The following CD226 variants were observed in gnomAD, a reference collection of about 807,000 sequenced individuals.
CD226 encodes the protein CD226 antigen.
In CD226, 24 loss-of-function variants were observed where a neutral mutation model predicts 34.9. That is an observed-to-expected ratio of 0.69 (90% CI 0.50 to 0.97). CD226 has a LOEUF of 0.97. CD226 is among the 50% of genes least tolerant of loss of function. The pLI, the probability that CD226 is intolerant of heterozygous loss-of-function variation, is 0.00. For missense variants in CD226, 397 were observed against 412.7 expected (o/e 0.96, Z 0.33); for synonymous variants, 148 against 147.4 (o/e 1.00, Z -0.03).
At chr18:69,923,967 A>T (rs952652622) in intron 2 of CD226, among the ~76,000 whole-genome samples, 1 of 151,862 alleles carries the variant, frequency 6.6e-6, no homozygotes, top group Non-Finnish European at 1.5e-5. Context: ...AAAAAAAAAA[A>T]AAATCAATGG....
intron 2 of CD226, among the ~76,000 whole-genome samples, chr18:69,907,777 A>C (rs1490985739): frequency 6.6e-6 from 1 of 152,106 alleles, no homozygotes; most frequent in African/African-American, 2.4e-5. Flanking sequence ...TCCTTTTTTG[A>C]GCTCCGTCAC....
At chr18:69,911,381 A>G (rs2055322540) in intron 2 of CD226, among the ~76,000 whole-genome samples, 4 of 152,206 alleles carry the variant, frequency 2.6e-5, no homozygotes, top group Admixed American at 1.3e-4. Context: ...TGAGCTATTA[A>G]AAGTCTATTA....
intron 2 of CD226, among the ~76,000 whole-genome samples, chr18:69,926,027 A>T (rs1215838093): frequency 6.6e-6 from 1 of 152,010 alleles, no homozygotes; most frequent in Non-Finnish European, 1.5e-5. Flanking sequence ...ACTGCAATCC[A>T]AGCTACTCGG....
At chr18:69,925,908 C>T (rs1287569090) in intron 2 of CD226, among the ~76,000 whole-genome samples, 3 of 152,072 alleles carry the variant, frequency 2.0e-5, no homozygotes, top group East Asian at 1.9e-4. Flanking sequence ...TTTGGGAGGC[C>T]GAGGCGGGCA....
chr18:69,876,294 C>G (rs1348777857), intron 3 of CD226, among the ~76,000 whole-genome samples: 1 of 152,116 alleles, frequency 6.6e-6, no homozygotes. Context: ...AAATAGAATA[C>G]TTAACAATTA....
rs1298022032 is a variant in CD226 at position 69,854,680 on chromosome 18, T to C, written c.*9634A>G. 6.6e-6 allele frequency: 1 copy of C among 152,298 alleles called. No homozygotes were observed. Among genetic ancestry groups the C allele is most frequent in the Non-Finnish European group, 1.5e-5 (1 of 68,190 alleles). 9.4% of individuals were successfully genotyped at this position (152,298 alleles called of 1,614,324 possible). On this transcript the variant is annotated 3_prime_UTR_variant, in exon 6 of 6. Coordinates refer to ENST00000582621, the MANE Select transcript of CD226 (RefSeq NM_001303618.2). ...GGGGGCAGGCCTTCAAAGAAATACA[T>C]TGGGAATGCTGCAGCCAGGAAAGAG...
intron 2 of CD226, among the ~76,000 whole-genome samples, chr18:69,910,987 AAG>A (rs1215329980): frequency 6.6e-6 from 1 of 152,186 alleles, no homozygotes; most frequent in Non-Finnish European, 1.5e-5. Context: ...TCGGTTAGGA[AAG>A]AGGAATAATA....
intron 1 of CD226, among the ~76,000 whole-genome samples, chr18:69,953,884 C>T (rs557355536): frequency 6.6e-6 from 1 of 151,796 alleles, no homozygotes; most frequent in African/African-American, 2.4e-5. Flanking sequence ...ACTGTAATCC[C>T]AGCTACTTGG....
At chr18:69,923,633 T>C (rs1372758963) in intron 2 of CD226, among the ~76,000 whole-genome samples, 1 of 152,156 alleles carries the variant, frequency 6.6e-6, no homozygotes, top group Non-Finnish European at 1.5e-5. Context: ...AAGTGACACA[T>C]CTGATTTAGG....
At chr18:69,912,684 A>G (rs536752578) in intron 2 of CD226, among the ~76,000 whole-genome samples, 57 of 152,344 alleles carry the variant, frequency 3.7e-4, no homozygotes, top group African/African-American at 1.4e-3. Context: ...AATAATAATA[A>G]CAGCTATAGT....
chr18:69,872,091 G>GTGT (rs768112256), intron 4 of CD226, among the ~76,000 whole-genome samples: 12 of 93,750 alleles, frequency 1.3e-4, no homozygotes, highest in African/African-American at 2.7e-4. Context: ...TGTGTGTGTG[G>GTGT]TGCATTTGGT....
chr18:69,952,481 G>A (rs2055862782), upstream of CD226, among the ~76,000 whole-genome samples: 3 of 152,214 alleles, frequency 2.0e-5, no homozygotes, highest in South Asian at 6.2e-4. Context: ...ATTCAACAAG[G>A]TGCCAACCCC....
At chr18:69,952,657 C>T (rs539395731), upstream of CD226, among the ~76,000 whole-genome samples, 1 of 152,212 alleles carries the variant, frequency 6.6e-6, no homozygotes, top group East Asian at 1.9e-4. Flanking sequence ...TTAGAATAAG[C>T]ACAGGGGTAA....
At chr18:69,901,896 T>G (rs1598991604) in intron 2 of CD226, among the ~76,000 whole-genome samples, 1 of 150,474 alleles carries the variant, frequency 6.6e-6, no homozygotes. Flanking sequence ...AAAAAAAAAG[T>G]ATTTGTTAGT....
intron 2 of CD226, among the ~76,000 whole-genome samples, chr18:69,917,454 C>T (rs2055399407): frequency 2.0e-5 from 3 of 152,262 alleles, no homozygotes; most frequent in Middle Eastern, 3.4e-3. Context: ...TCCTGGGTTG[C>T]TCCTCCTCCT....
intron 4 of CD226, among the ~76,000 whole-genome samples, chr18:69,869,825 G>A (rs1172374736): frequency 7.1e-6 from 1 of 141,544 alleles, no homozygotes; most frequent in Non-Finnish European, 1.5e-5. Flanking sequence ...TTTTGAGATG[G>A]AGTCTCGCTC....
At chr18:69,865,378 G>A (rs1225497242) in intron 5 of CD226, among the ~76,000 whole-genome samples, 3 of 151,612 alleles carry the variant, frequency 2.0e-5, no homozygotes, top group Non-Finnish European at 4.4e-5. Flanking sequence ...AGAGAATGAA[G>A]TAGTTCTAAT....
At chr18:69,872,225 T>C (rs1206182061) in intron 4 of CD226, among the ~76,000 whole-genome samples, 1 of 152,056 alleles carries the variant, frequency 6.6e-6, no homozygotes, top group African/African-American at 2.4e-5. Flanking sequence ...CTTCCTCCCC[T>C]AAGAAGATAA....
chr18:69,938,010 A>C (rs887583577), intron 2 of CD226, among the ~76,000 whole-genome samples: 13 of 152,210 alleles, frequency 8.5e-5, no homozygotes, highest in African/African-American at 2.7e-4. Context: ...AAGGGTGTAG[A>C]GATAAGAGCC....
Sources: gnomAD v4.1 joint callset for allele counts (sites outside exome capture counted in the v4.1 genomes callset) on GRCh38, gnomAD v4.1.1 for gene constraint, MANE v1.5 for transcripts, NCBI Gene and HGNC (gene_info 2026-07-23, HGNC 2026-07-21) for gene names.